Variants in KIR2DL4 observed in about 807,000 individuals in gnomAD.
KIR2DL4 encodes killer cell immunoglobulin-like receptor 2DL4.
A neutral mutation model predicts 31.0 loss-of-function variants in KIR2DL4; 41 were observed. The ratio of observed to expected loss-of-function variants is 1.32; its 90% confidence interval spans 1.03 to 1.72. The LOEUF is 1.72. KIR2DL4 is among the 40% of genes most tolerant of loss of function. The probability of loss-of-function intolerance (pLI) is 0.00; values close to 1 mark genes in which losing one functional copy is unlikely to be tolerated. For missense variants in KIR2DL4, 438 were observed against 353.7 expected (o/e 1.24, Z -1.91); for synonymous variants, 164 against 133.6 (o/e 1.23, Z -1.57).
intron 4 of KIR2DL4, among the ~76,000 whole-genome samples, chr19:54,806,518 A>T (rs1246088376): frequency 5.3e-5 from 8 of 151,158 alleles, no homozygotes; most frequent in African/African-American, 2.0e-4. Flanking sequence ...CAGTTTGGGG[A>T]GATCAGAGGT....
In KIR2DL4 at chr19:54,813,433, G is replaced by A. The variant is rs1291321024; in HGVS notation, c.810+205G>A. On this transcript the variant is annotated intron_variant, in intron 6 of 7. Transcript: ENST00000359085. ...GCCTGATTGTGAACTGTATCCTCAC[G>A]TCCCCTGCAGCCACTCACATCCAGG... 104 of 777,246 alleles carry A rather than the reference G, an allele frequency of 1.3e-4. 1 individual carries two copies. Among genetic ancestry groups the A allele is most frequent in the South Asian group, 1.1e-3 (66 of 57,490 alleles). 48.1% of individuals were successfully genotyped at this position (777,246 alleles called of 1,614,324 possible).
At chr19:54,809,755 C>T (rs1208853280) in intron 5 of KIR2DL4, among the ~76,000 whole-genome samples, 1 of 151,422 alleles carries the variant, frequency 6.6e-6, no homozygotes, top group Non-Finnish European at 1.5e-5. Flanking sequence ...CCTTCTTCCT[C>T]ATCTTTTAAG....
chr19:54,813,969 T>C (rs1207626873), exon 8 of KIR2DL4: 2 of 1,612,066 alleles, frequency 1.2e-6, no homozygotes, highest in Non-Finnish European at 1.7e-6. Context: ...AGCGTGTGTA[T>C]AGAACTTCCA....
At position 54,804,332 on chromosome 19, in the gene KIR2DL4, A is replaced by C. The variant is rs774762706; in HGVS notation, c.76+406A>C. 1.8e-3 allele frequency among the ~76,000 whole-genome samples: 278 copies of C among 151,288 alleles called. 11 individuals are homozygous for C. The highest frequency in any genetic ancestry group is 0.014 in the Middle Eastern group (4 of 294). ...TAGGAACAGCAGGTCCTCTGAGGAC[A>C]AGAGGGTAACTCACACCCTCCAGCG... On this transcript the variant is annotated intron_variant, in intron 2 of 7. Coordinates refer to ENST00000359085, the Ensembl canonical transcript of KIR2DL4.
At chr19:54,810,258 A>G (rs1167058940) in intron 5 of KIR2DL4, among the ~76,000 whole-genome samples, 2 of 149,458 alleles carry the variant, frequency 1.3e-5, no homozygotes, top group Non-Finnish European at 3.0e-5. Context: ...GGCTGGGATT[A>G]CACCCATGTC....
In KIR2DL4 at chr19:54,808,820, T is replaced by C. The variant is rs2060682540; in HGVS notation, c.656-13T>C. 1.5e-5 allele frequency: 23 copies of C among 1,556,810 alleles called. 2 individuals carry two copies. The South Asian group carries it at 2.4e-4, about 16-fold the overall frequency. ...TCCTCATTGCCACACCTCTCTCCTG[T>C]CCCGTGTTCTAGGAAACCCTTCTAG... On this transcript the variant is annotated splice_polypyrimidine_tract_variant and intron_variant, in intron 4 of 7. Coordinates refer to ENST00000359085, the Ensembl canonical transcript of KIR2DL4.
chr19:54,805,901 G>A lies in KIR2DL4; in HGVS notation c.362-50G>A, dbSNP rs761210391. ...AGTTCTCAGCTCAGGTGGGAGGGGA[G>A]CTGTGACAAGGAAGAACCTCCCTGA... On this transcript the variant is annotated intron_variant, in intron 3 of 7. Transcript: ENST00000359085. 146 of 1,507,546 alleles carry A rather than the reference G, an allele frequency of 9.7e-5. 3 individuals carry two copies. Among genetic ancestry groups the A allele is most frequent in the Non-Finnish European group, 5.4e-6 (6 of 1,111,048 alleles). The allele number at this position is 1,507,546 out of a possible 1,614,324, so 93.4% of individuals were successfully genotyped here. A position where few individuals can be genotyped will look rare whatever the true frequency, so the allele number is the denominator to read the frequency against.
exon 8 of KIR2DL4, chr19:54,814,117 T>A: frequency 6.2e-7 from 1 of 1,609,566 alleles, no homozygotes; most frequent in South Asian, 1.1e-5. Flanking sequence ...TCTGAAGGCG[T>A]GAGTCTCCAT....
chr19:54,813,379 C>T (rs2060993844), intron 6 of KIR2DL4: 5 of 1,178,716 alleles, frequency 4.2e-6, no homozygotes, highest in Non-Finnish European at 5.9e-6. Context: ...ACCAGACACC[C>T]TGCCCCTGCC....
chr19:54,809,881 T>C (rs1395499317), intron 5 of KIR2DL4, among the ~76,000 whole-genome samples: 1 of 150,820 alleles, frequency 6.6e-6, no homozygotes, highest in Non-Finnish European at 1.5e-5. Flanking sequence ...ATCTGCAATC[T>C]GCATTCCTTT....
chr19:54,806,406 A>G (rs908081647), intron 4 of KIR2DL4, among the ~76,000 whole-genome samples, 162 bp downstream of exon 4: 1 of 151,076 alleles, frequency 6.6e-6, no homozygotes, highest in Admixed American at 6.6e-5. Context: ...GCACCTCCAA[A>G]CCCTCCTGCA....
At position 54,809,745 on chromosome 19, in the gene KIR2DL4, C is replaced by A. The variant is rs987893790; in HGVS notation, c.706+862C>A. On this transcript the variant is annotated intron_variant, in intron 5 of 7. Transcript: ENST00000359085. Reference sequence around the variant, plus strand: ...ACCTCTTTCTCTGAATGCTGCTCTGCCTTCTTCCTCATCTTTTAAGGACTT... The same window carrying A: ...ACCTCTTTCTCTGAATGCTGCTCTGACTTCTTCCTCATCTTTTAAGGACTT... 7.1e-4 allele frequency among the ~76,000 whole-genome samples: 107 copies of A among 151,476 alleles called. 2 individuals carry two copies. Among genetic ancestry groups the A allele is most frequent in the Non-Finnish European group, 1.4e-3 (97 of 67,958 alleles).
At chr19:54,812,387 C>T (rs2060913849) in intron 5 of KIR2DL4, among the ~76,000 whole-genome samples, 2 of 151,374 alleles carry the variant, frequency 1.3e-5, no homozygotes, top group Non-Finnish European at 2.9e-5. Context: ...CCTGGAGCCA[C>T]AGGGAACACT....
chr19:54,813,541 A>G (rs1364985663), intron 6 of KIR2DL4, 149 bp from the exon 6 acceptor site: 2 of 835,556 alleles, frequency 2.4e-6, no homozygotes, highest in South Asian at 3.1e-5. Context: ...GGGGTCTTGC[A>G]CTCAGAGAGA....
intron 2 of KIR2DL4, among the ~76,000 whole-genome samples, chr19:54,804,422 C>A (rs2060370507): frequency 6.6e-6 from 1 of 151,394 alleles, no homozygotes; most frequent in South Asian, 2.1e-4. Flanking sequence ...GGGGGAACCA[C>A]AGCCACGACC....
chr19:54,808,435 T>C (rs1321600890), intron 4 of KIR2DL4, among the ~76,000 whole-genome samples: 4 of 151,274 alleles, frequency 2.6e-5, no homozygotes, highest in South Asian at 2.1e-4. Context: ...CAGTTTTCCC[T>C]GCACCATTTA....
chr19:54,807,137 T>C (rs1469554105), intron 4 of KIR2DL4, among the ~76,000 whole-genome samples: 7 of 151,186 alleles, frequency 4.6e-5, no homozygotes, highest in Admixed American at 2.6e-4. Context: ...ATCCTGCATG[T>C]GAGTAAGAAA....
At chr19:54,811,504 A>T (rs2060866894) in intron 5 of KIR2DL4, among the ~76,000 whole-genome samples, 1 of 151,196 alleles carries the variant, frequency 6.6e-6, no homozygotes. Flanking sequence ...GACTTCTTTG[A>T]TCCTTTATCC....
exon 3 of KIR2DL4, chr19:54,804,949 T>C (rs1429498421): frequency 1.2e-6 from 2 of 1,612,110 alleles, no homozygotes; most frequent in South Asian, 2.2e-5. Context: ...AACAGAATAT[T>C]CTGGAACAGT....
Sources: allele counts gnomAD v4.1 joint callset (sites outside exome capture counted in the v4.1 genomes callset), GRCh38; gene constraint gnomAD v4.1.1; transcripts MANE v1.5; gene names NCBI Gene and HGNC (gene_info 2026-07-23, HGNC 2026-07-21).